Variants in PRKCE observed in about 807,000 individuals in gnomAD.
PRKCE encodes protein kinase C epsilon type.
PRKCE carries 16 observed loss-of-function variants against 85.4 expected under a neutral mutation model. The ratio of observed to expected loss-of-function variants is 0.19; its 90% CI spans 0.13 to 0.28. The LOEUF (loss-of-function observed/expected upper bound fraction) is 0.28, where lower values mean the gene tolerates loss of function less well. Among genes scored for constraint, PRKCE ranks in the 10% least tolerant of loss-of-function variants. The pLI is 1.00. For synonymous variants in PRKCE, 388 were observed against 371.5 expected, an observed-to-expected ratio of 1.04 and a Z score of -0.51; for missense variants, 573 against 975.2, an observed-to-expected ratio of 0.59 and a Z score of 5.49.
chr2:45,724,439 A>G (rs974887742), intron 1 of PRKCE, among the ~76,000 whole-genome samples: 26 of 152,192 alleles, frequency 1.7e-4, no homozygotes, highest in African/African-American at 6.3e-4. Context: ...AAATCAGGCC[A>G]CTTAATAACC....
intron 14 of PRKCE, chr2:46,167,722 G>T (rs1014899719): frequency 6.6e-6 from 1 of 152,190 alleles, no homozygotes; most frequent in African/African-American, 2.4e-5. Context: ...CCCAAGTTCT[G>T]CCACATTTTC....
chr2:46,139,735 T>TAGAG lies in PRKCE; in HGVS notation c.1593-5344_1593-5341dup, dbSNP rs35157415. Reference sequence around the variant, plus strand: ...ACATATATACATATACATATATATCTAGAGAGAGAGAGAGAGAATATATAG... The same window carrying TAGAG: ...ACATATATACATATACATATATATCTAGAGAGAGAGAGAGAGAGAGAATATATAG... On this transcript the variant is annotated intron_variant, in intron 11 of 14. Coordinates refer to ENST00000306156, the MANE Select transcript of PRKCE (RefSeq NM_005400.3). The surrounding 1 kb of genome is among the most constrained non-coding windows in gnomAD (Gnocchi z 5.2). 1.3e-5 allele frequency among the ~76,000 whole-genome samples: 2 copies of TAGAG among 149,712 alleles called. No homozygotes were observed. Among genetic ancestry groups the TAGAG allele is most frequent in the African/African-American group, 4.9e-5 (2 of 40,800 alleles).
At chr2:45,999,707 C>A (rs1252674290) in intron 6 of PRKCE, among the ~76,000 whole-genome samples, 1 of 151,750 alleles carries the variant, frequency 6.6e-6, no homozygotes, top group Non-Finnish European at 1.5e-5. Flanking sequence ...TTTTTCTGTT[C>A]CTTTCTCTTT....
Position 45,887,064 on chromosome 2 carries a change from C to T in PRKCE, c.412+44001C>T, listed in dbSNP as rs577938877. On this transcript the variant is annotated intron_variant, in intron 2 of 14. Coordinates refer to ENST00000306156, the MANE Select transcript of PRKCE (RefSeq NM_005400.3). ...GGAGTATTGCTCCTTCTTGTAAACT[C>T]TGATGCCTGGGTTTTTACATGGTGT... Among the ~76,000 whole-genome samples the T allele has an allele frequency of 5.3e-5, 8 of 152,320 alleles. No homozygotes were observed. The South Asian group carries it at 1.7e-3, about 32-fold the overall frequency.
chr2:45,914,620 T>A (rs1488117933), intron 2 of PRKCE, among the ~76,000 whole-genome samples: 1 of 152,214 alleles, frequency 6.6e-6, no homozygotes, highest in African/African-American at 2.4e-5. Flanking sequence ...TTCCTCTCCC[T>A]GGACCATGCA....
At chr2:45,915,142 G>T (rs1357405682) in intron 2 of PRKCE, among the ~76,000 whole-genome samples, 1 of 152,174 alleles carries the variant, frequency 6.6e-6, no homozygotes, top group Non-Finnish European at 1.5e-5. Context: ...GCCCACCTTG[G>T]CCTCCCAAAG....
At chr2:46,148,159 G>A (rs771172620) in intron 12 of PRKCE, among the ~76,000 whole-genome samples, 4 of 152,186 alleles carry the variant, frequency 2.6e-5, no homozygotes, top group African/African-American at 9.6e-5. Context: ...CCCAGCCCCT[G>A]CTTCCCAGGA....
chr2:46,113,166 C>G (rs1672434081), intron 11 of PRKCE, among the ~76,000 whole-genome samples: 1 of 152,174 alleles, frequency 6.6e-6, no homozygotes, highest in Non-Finnish European at 1.5e-5. Flanking sequence ...AATTCTATCA[C>G]TGCACCAAGG....
intron 10 of PRKCE, among the ~76,000 whole-genome samples, chr2:46,072,999 A>T (rs953612063): frequency 6.6e-6 from 1 of 152,224 alleles, no homozygotes; most frequent in Admixed American, 6.5e-5. Context: ...GAATTCAAAA[A>T]TAAATGCACA....
intron 1 of PRKCE, among the ~76,000 whole-genome samples, chr2:45,811,757 A>G (rs1688667561): frequency 2.0e-5 from 3 of 152,220 alleles, no homozygotes; most frequent in Admixed American, 2.0e-4. Flanking sequence ...AGAACAGATG[A>G]TAGGGAGTCA....
At chr2:45,802,499 C>A (rs56704109) in intron 1 of PRKCE, among the ~76,000 whole-genome samples, 1 of 152,082 alleles carries the variant, frequency 6.6e-6, no homozygotes, top group Non-Finnish European at 1.5e-5. Flanking sequence ...AAAACCTCAA[C>A]GGAGTAGACT....
At chr2:45,974,869 T>A (rs911202841) in intron 2 of PRKCE, among the ~76,000 whole-genome samples, 1 of 152,078 alleles carries the variant, frequency 6.6e-6, no homozygotes, top group Non-Finnish European at 1.5e-5. Context: ...CAGGGGACCT[T>A]CTAGGAGACC....
intron 1 of PRKCE, among the ~76,000 whole-genome samples, chr2:45,720,272 A>T (rs1174830772): frequency 1.3e-5 from 2 of 152,098 alleles, no homozygotes; most frequent in Admixed American, 6.5e-5. Context: ...AGTTGAGATA[A>T]AGTGAAGTGA....
At chr2:46,033,561 A>G (rs926865291) in intron 10 of PRKCE, among the ~76,000 whole-genome samples, 1 of 152,226 alleles carries the variant, frequency 6.6e-6, no homozygotes, top group Non-Finnish European at 1.5e-5. Flanking sequence ...GTTATTGGCC[A>G]CGCTTTGAGA....
At chr2:46,002,672 T>C (rs1381762994) in intron 7 of PRKCE, among the ~76,000 whole-genome samples, 2 of 152,240 alleles carry the variant, frequency 1.3e-5, no homozygotes, top group African/African-American at 4.8e-5. Flanking sequence ...GTGGCTCTTC[T>C]CAGCTTTGTA....
At chr2:45,961,314 C>G (rs1701361028) in intron 2 of PRKCE, among the ~76,000 whole-genome samples, 1 of 152,170 alleles carries the variant, frequency 6.6e-6, no homozygotes, top group South Asian at 2.1e-4. Context: ...CCCTGACTTT[C>G]TCCTGCTTTA....
intron 14 of PRKCE, among the ~76,000 whole-genome samples, chr2:46,181,748 C>T (rs1204147342): frequency 6.6e-6 from 1 of 152,220 alleles, no homozygotes; most frequent in Non-Finnish European, 1.5e-5. Context: ...AGAGGGCTTA[C>T]AGATTTTCTG....
intron 1 of PRKCE, among the ~76,000 whole-genome samples, chr2:45,695,305 C>T (rs560856450): frequency 6.6e-6 from 1 of 152,136 alleles, no homozygotes; most frequent in Non-Finnish European, 1.5e-5. Flanking sequence ...ACCATCACCA[C>T]CCACAGAAAA....
intron 1 of PRKCE, among the ~76,000 whole-genome samples, chr2:45,771,700 GGC>G (rs1558654159): frequency 3.2e-5 from 3 of 94,590 alleles, no homozygotes; most frequent in African/African-American, 9.3e-5. Flanking sequence ...TACAGAGTGG[GGC>G]GTGTGTGTGT....
Sources: gnomAD v4.1 joint callset for allele counts (sites outside exome capture counted in the v4.1 genomes callset) on GRCh38, gnomAD v4.1.1 for gene constraint, Gnocchi (gnomAD v3.1) non-coding constraint, MANE v1.5 for transcripts, NCBI Gene and HGNC (gene_info 2026-07-23, HGNC 2026-07-21) for gene names.